Variants in ART3 observed in about 807,000 individuals in gnomAD.
The protein encoded by ART3 is ecto-ADP-ribosyltransferase 3.
A neutral mutation model predicts 48.5 loss-of-function variants in ART3; 49 were observed. That is an observed-to-expected ratio of 1.01 (90% CI 0.80 to 1.28). The LOEUF is 1.28. ART3 is among the 50% of genes most tolerant of loss of function. The pLI is 0.00. For synonymous variants in ART3, 145 were observed against 157.2 expected, an observed-to-expected ratio of 0.92 and a Z score of 0.58; for missense variants, 438 against 454.3, an observed-to-expected ratio of 0.96 and a Z score of 0.33.
intron 3 of ART3, among the ~76,000 whole-genome samples, chr4:76,087,831 GAA>G (rs1723944835): frequency 6.6e-6 from 1 of 152,160 alleles, no homozygotes; most frequent in Non-Finnish European, 1.5e-5. Flanking sequence ...TTCCTCAATA[GAA>G]AATTAGCCCA....
chr4:76,096,214 A>G (rs1432088346), intron 3 of ART3, among the ~76,000 whole-genome samples: 13 of 152,086 alleles, frequency 8.5e-5, no homozygotes, highest in Non-Finnish European at 7.4e-5. Context: ...GTGAGCCACC[A>G]TACCCTGAGA....
intron 3 of ART3, among the ~76,000 whole-genome samples, chr4:76,089,962 C>T (rs1330000147): frequency 6.6e-6 from 1 of 152,110 alleles, no homozygotes; most frequent in Non-Finnish European, 1.5e-5. Flanking sequence ...TACCTGTAGT[C>T]CCAGCTACTC....
chr4:76,067,537 G>GGACT (rs1719864773), intron 1 of ART3, among the ~76,000 whole-genome samples: 3 of 152,216 alleles, frequency 2.0e-5, no homozygotes, highest in Admixed American at 2.0e-4. Flanking sequence ...CTAACAGCTA[G>GGACT]AACTAACAGA....
chr4:76,069,386 C>CTTTGTTTTTT (rs59498066), intron 1 of ART3, among the ~76,000 whole-genome samples: 5 of 110,160 alleles, frequency 4.5e-5, no homozygotes, highest in African/African-American at 1.4e-4. Context: ...TACTTAATTC[C>CTTTGTTTTTT]TTTTTTTTTT....
intron 1 of ART3, chr4:76,041,319 C>T (rs529103673): frequency 6.6e-6 from 1 of 152,276 alleles, no homozygotes; most frequent in East Asian, 1.9e-4. Context: ...TGAGAGATCC[C>T]TATTTTTTAT....
At chr4:76,080,482 T>C (rs1230882357) in intron 2 of ART3, among the ~76,000 whole-genome samples, 2 of 152,134 alleles carry the variant, frequency 1.3e-5, no homozygotes, top group Non-Finnish European at 2.9e-5. Flanking sequence ...AGTTAAATAC[T>C]ATTTCCTCCA....
chr4:76,090,048 C>CT lies in ART3; in HGVS notation c.781+7513_781+7514insT, dbSNP rs1312138127. ...TGAGCTGAGATTGCGCCATTGCACT[C>CT]CAGCCTGGGTGACAAGAGTGAAACT... On this transcript the variant is annotated intron_variant, in intron 3 of 11. Transcript: ENST00000355810. 8.5e-5 allele frequency among the ~76,000 whole-genome samples: 13 copies of CT among 152,196 alleles called. No homozygotes were observed. In the East Asian group the frequency reaches 2.3e-3, roughly 27 times the overall value.
At position 76,078,109 on chromosome 4, in the gene ART3, A is replaced by G. The variant is rs571288797; in HGVS notation, c.69+2151A>G. 1.2e-3 allele frequency among the ~76,000 whole-genome samples: 175 copies of G among 151,684 alleles called. 1 individual carries two copies. The highest frequency in any genetic ancestry group is 2.2e-3 in the Non-Finnish European group (151 of 67,872). Reference sequence around the variant, plus strand: ...TTTTCTCGGTGGTTATATCAGAGAAATATAATCAGCTTGTTCACCTAGCCT... The same window carrying G: ...TTTTCTCGGTGGTTATATCAGAGAAGTATAATCAGCTTGTTCACCTAGCCT... On this transcript the variant is annotated intron_variant, in intron 2 of 11. Coordinates refer to ENST00000355810, the MANE Select transcript of ART3 (RefSeq NM_001130016.3).
chr4:76,105,520 A>G (rs1728274872), intron 10 of ART3: 1 of 1,289,156 alleles, frequency 7.8e-7, no homozygotes, highest in African/African-American at 1.5e-5. Context: ...TTTCTTGTTT[A>G]GGAATAAAAA....
intron 1 of ART3, among the ~76,000 whole-genome samples, chr4:76,043,759 T>C (rs1177001835): frequency 6.7e-6 from 1 of 149,802 alleles, no homozygotes; most frequent in East Asian, 2.0e-4. Context: ...GCTGAAGGGC[T>C]CCTCAAGTGC....
intron 1 of ART3, among the ~76,000 whole-genome samples, chr4:76,051,002 G>A (rs4359937): frequency 0.59 from 89,125 of 152,114 alleles, 26,978 homozygotes; most frequent in East Asian, 0.94. Flanking sequence ...TGGCCTGCAA[G>A]CCCACGCGCA....
At chr4:76,022,622 A>G in intron 1 of ART3, 1 of 1,513,900 alleles carries the variant, frequency 6.6e-7, no homozygotes, top group Non-Finnish European at 9.0e-7. Flanking sequence ...TTTTTTTATT[A>G]TCATTACATA....
chr4:76,075,561 G>T (rs990080165), intron 1 of ART3, among the ~76,000 whole-genome samples: 2 of 152,144 alleles, frequency 1.3e-5, no homozygotes, highest in African/African-American at 4.8e-5. Flanking sequence ...TTAGAGATGG[G>T]AAGAAAATAT....
chr4:76,084,911 C>T (rs1014534816), intron 3 of ART3, among the ~76,000 whole-genome samples: 1 of 152,190 alleles, frequency 6.6e-6, no homozygotes, highest in Non-Finnish European at 1.5e-5. Context: ...GACAGCAGTA[C>T]TCTCGTACCA....
intron 1 of ART3, among the ~76,000 whole-genome samples, chr4:76,022,137 TTAGA>T (rs559937207): frequency 1.0e-3 from 156 of 152,306 alleles, no homozygotes; most frequent in Non-Finnish European, 2.1e-3. Flanking sequence ...TCAGTTTTGC[TTAGA>T]TAGTTATAGC....
intron 2 of ART3, among the ~76,000 whole-genome samples, chr4:76,081,068 A>G (rs1722352626): frequency 6.6e-6 from 1 of 152,202 alleles, no homozygotes; most frequent in African/African-American, 2.4e-5. Flanking sequence ...CAGGGAATTT[A>G]TTGATTCTTA....
intron 2 of ART3, among the ~76,000 whole-genome samples, chr4:76,078,908 G>A (rs374371764): frequency 1.8e-4 from 28 of 152,140 alleles, no homozygotes; most frequent in East Asian, 1.2e-3. Flanking sequence ...GTGAAACCCC[G>A]TCTCTACTAA....
intron 10 of ART3, chr4:76,106,235 TCTATC>T (rs1183786139): frequency 6.1e-6 from 6 of 985,340 alleles, no homozygotes; most frequent in South Asian, 4.7e-5. Flanking sequence ...GTTATCCACT[TCTATC>T]CTGGGCACCT....
intron 1 of ART3, among the ~76,000 whole-genome samples, chr4:76,051,175 G>A (rs1736045825): frequency 6.6e-6 from 1 of 152,274 alleles, no homozygotes; most frequent in Non-Finnish European, 1.5e-5. Context: ...GAGGTGCCGA[G>A]AGCAAGCGAG....
Sources: allele counts gnomAD v4.1 joint callset (sites outside exome capture counted in the v4.1 genomes callset), GRCh38; gene constraint gnomAD v4.1.1; transcripts MANE v1.5; gene names NCBI Gene and HGNC (gene_info 2026-07-23, HGNC 2026-07-21).